Variants in CDK14 observed in about 807,000 individuals in gnomAD.
CDK14 encodes cyclin dependent kinase 14.
In CDK14, 34 loss-of-function variants were observed where a neutral mutation model predicts 60.7. The observed-to-expected ratio is 0.56, with a 90% CI of 0.43 to 0.75. The LOEUF (loss-of-function observed/expected upper bound fraction) is 0.75. Among genes scored for constraint, CDK14 ranks in the 30% least tolerant of loss-of-function variants. CDK14 has a pLI of 0.00. For synonymous variants in CDK14, 197 were observed against 203.7 expected, an observed-to-expected ratio of 0.97 and a Z score of 0.28; for missense variants, 482 against 564.1, an observed-to-expected ratio of 0.85 and a Z score of 1.47.
At chr7:90,700,539 T>C (rs1801761392) in intron 2 of CDK14, among the ~76,000 whole-genome samples, 1 of 152,134 alleles carries the variant, frequency 6.6e-6, no homozygotes, top group African/African-American at 2.4e-5. Flanking sequence ...ACAGAAATCA[T>C]TCGAATCTTC....
Position 91,159,942 on chromosome 7 carries a change from C to T in CDK14, c.*28+41734C>T, listed in dbSNP as rs547877301. On this transcript the variant is annotated intron_variant, in intron 14 of 14. Transcript: ENST00000380050. ...TCGGTTTTCCTCTTGTTTTCAGCTT[C>T]TTAACAATATACTACCTTTTCAATG... is the stretch of plus-strand genomic sequence containing the variant. Among the ~76,000 whole-genome samples, 18 of 152,254 alleles carry T rather than the reference C, an allele frequency of 1.2e-4. No homozygotes were observed. In the South Asian group the frequency reaches 2.7e-3, roughly 23 times the overall value.
intron 2 of CDK14, among the ~76,000 whole-genome samples, chr7:90,720,198 A>C (rs1295712506): frequency 6.6e-6 from 1 of 152,234 alleles, no homozygotes; most frequent in Non-Finnish European, 1.5e-5. Context: ...TAAGGTATGC[A>C]AAATATTGGA....
chr7:90,837,988 C>G (rs1249574419), intron 5 of CDK14, among the ~76,000 whole-genome samples: 2 of 152,010 alleles, frequency 1.3e-5, no homozygotes, highest in African/African-American at 4.8e-5. Flanking sequence ...CCTGTTGTTT[C>G]CATAATACAA....
chr7:91,191,104 C>A (rs1001359409), intron 14 of CDK14, among the ~76,000 whole-genome samples: 17 of 152,102 alleles, frequency 1.1e-4, no homozygotes, highest in South Asian at 4.1e-4. Flanking sequence ...GACCTCAAGG[C>A]CACACGACCC....
Position 90,900,085 on chromosome 7 carries a change from A to G in CDK14, c.702+732A>G, listed in dbSNP as rs77292551. Among the ~76,000 whole-genome samples the G allele has an allele frequency of 7.9e-3, 1,196 of 152,288 alleles. 24 individuals carry two copies. The highest frequency in any genetic ancestry group is 0.027 in the African/African-American group (1,120 of 41,566). On this transcript the variant is annotated intron_variant, in intron 7 of 14. Transcript: ENST00000380050. ...ATCTCAATTTCTTCCCATTTGTTAT[A>G]AGAAACCCTATTAGTGATAAACTAA...
rs1802341833 is a variant in CDK14, at chr7:90,718,822, A to G, written c.124-7745A>G. ...TAGATTTGACAGATTTAAGTTATAG[A>G]TGAAGGCAGTTATCATTGGTTATGA... On this transcript the variant is annotated intron_variant, in intron 2 of 14. Transcript: ENST00000380050. 2.0e-5 allele frequency among the ~76,000 whole-genome samples: 3 copies of G among 152,152 alleles called. No homozygotes were observed. The South Asian group carries it at 6.2e-4, about 31-fold the overall frequency.
intron 8 of CDK14, among the ~76,000 whole-genome samples, chr7:90,930,033 T>G (rs1793539808): frequency 6.6e-6 from 1 of 152,208 alleles, no homozygotes; most frequent in South Asian, 2.1e-4. Flanking sequence ...GATTTGATGC[T>G]CTGTTCAACA....
chr7:91,031,227 G>T (rs747155052), intron 10 of CDK14, among the ~76,000 whole-genome samples: 64 of 152,094 alleles, frequency 4.2e-4, no homozygotes, highest in Admixed American at 1.6e-3. Context: ...GTGGTAAAGG[G>T]ACAATAAGAT....
intron 2 of CDK14, among the ~76,000 whole-genome samples, chr7:90,637,912 C>G (rs1800195645): frequency 1.3e-5 from 2 of 149,286 alleles, no homozygotes; most frequent in African/African-American, 5.0e-5. Flanking sequence ...CTCTTTTGAT[C>G]TTTGTTGGTT....
In CDK14 at chr7:90,761,785, G is replaced by A. The variant is rs888194531; in HGVS notation, c.464+14010G>A. Among the ~76,000 whole-genome samples, 48 of 152,150 alleles carry A rather than the reference G, an allele frequency of 3.2e-4. 1 individual carries two copies. Among genetic ancestry groups the A allele is most frequent in the Non-Finnish European group, 5.9e-5 (4 of 68,032 alleles). ...TTAGTGCTGAGATTGAGAAACCCTG[G>A]TCTTAAGAAATGCATGGAGGCAGTG... On this transcript the variant is annotated intron_variant, in intron 4 of 14. Coordinates refer to ENST00000380050, the MANE Select transcript of CDK14 (RefSeq NM_001287135.2).
At chr7:91,048,182 C>G (rs981590009) in intron 11 of CDK14, among the ~76,000 whole-genome samples, 2 of 152,170 alleles carry the variant, frequency 1.3e-5, no homozygotes, top group Non-Finnish European at 2.9e-5. Context: ...CTGACCCCAC[C>G]ACAGGCCCTC....
At chr7:91,141,205 T>C (rs1279942224) in intron 14 of CDK14, among the ~76,000 whole-genome samples, 1 of 152,222 alleles carries the variant, frequency 6.6e-6, no homozygotes, top group African/African-American at 2.4e-5. Flanking sequence ...GTAAGTTTCA[T>C]GACCCTCAGT....
At chr7:91,080,733 A>G (rs776192091) in intron 12 of CDK14, among the ~76,000 whole-genome samples, 9 of 152,218 alleles carry the variant, frequency 5.9e-5, no homozygotes, top group Non-Finnish European at 1.3e-4. Flanking sequence ...CCTTCCAACC[A>G]GATAACCACT....
intron 1 of CDK14, among the ~76,000 whole-genome samples, chr7:90,600,766 C>T (rs28644458): frequency 1.3e-5 from 2 of 152,206 alleles, no homozygotes; most frequent in African/African-American, 4.8e-5. Context: ...GAATTTATAT[C>T]CATGATCTTT....
chr7:91,200,826 C>G (rs1378287203), intron 14 of CDK14, among the ~76,000 whole-genome samples: 1 of 152,072 alleles, frequency 6.6e-6, no homozygotes, highest in African/African-American at 2.4e-5. Flanking sequence ...TGAAAAATTA[C>G]AAAGCAGAAT....
At chr7:90,939,284 A>G (rs1793844543) in intron 8 of CDK14, among the ~76,000 whole-genome samples, 1 of 152,244 alleles carries the variant, frequency 6.6e-6, no homozygotes, top group South Asian at 2.1e-4. Context: ...CAGATTCTGA[A>G]AAACTAGGAC....
intron 2 of CDK14, among the ~76,000 whole-genome samples, chr7:90,627,780 A>C (rs1192357461): frequency 1.3e-5 from 2 of 152,190 alleles, no homozygotes; most frequent in Admixed American, 6.5e-5. Context: ...ACCAATAGTG[A>C]TAAAAACTGC....
chr7:90,790,052 G>A (rs774949479), intron 4 of CDK14, among the ~76,000 whole-genome samples: 5 of 149,990 alleles, frequency 3.3e-5, no homozygotes, highest in Non-Finnish European at 5.9e-5. Flanking sequence ...TATAATTTTA[G>A]GAGGTTGTAG....
At chr7:90,780,847 G>A (rs548332899) in intron 4 of CDK14, among the ~76,000 whole-genome samples, 2 of 151,888 alleles carry the variant, frequency 1.3e-5, no homozygotes, top group African/African-American at 4.8e-5. Flanking sequence ...ATTGTGAATA[G>A]TGCCGCAATA....
Sources: gnomAD v4.1 joint callset for allele counts (sites outside exome capture counted in the v4.1 genomes callset) on GRCh38, gnomAD v4.1.1 for gene constraint, MANE v1.5 for transcripts, NCBI Gene and HGNC (gene_info 2026-07-23, HGNC 2026-07-21) for gene names.